The following ANO1 variants were observed in gnomAD, a reference collection of about 807,000 sequenced individuals.
ANO1 encodes anoctamin-1.
In ANO1, 59 loss-of-function variants were observed where a neutral mutation model predicts 124.0. The observed-to-expected ratio is 0.48, with a 90% CI of 0.39 to 0.59. ANO1 has a LOEUF of 0.59. Among genes scored for constraint, ANO1 ranks in the 20% least tolerant of loss-of-function variants. ANO1 has a pLI of 0.00. For missense variants in ANO1, 1,059 were observed against 1,328.0 expected (o/e 0.80, Z 3.15); for synonymous variants, 529 against 532.0 (o/e 0.99, Z 0.08).
At chr11:70,031,614 C>G (rs1857002162) in intron 1 of ANO1, among the ~76,000 whole-genome samples, 1 of 152,138 alleles carries the variant, frequency 6.6e-6, no homozygotes, top group South Asian at 2.1e-4. Flanking sequence ...GACCAAGAGA[C>G]TGGTGGGAGG....
At chr11:70,072,477 GT>G (rs1478655202) in intron 1 of ANO1, 1 of 152,224 alleles carries the variant, frequency 6.6e-6, no homozygotes, top group African/African-American at 2.4e-5. Flanking sequence ...CAACCACAGG[GT>G]TTTGCAGGAA....
chr11:69,979,594 C>T, the ANO1 span, among the ~76,000 whole-genome samples: 1 of 152,158 alleles, frequency 6.6e-6, no homozygotes, highest in Non-Finnish European at 1.5e-5. Context: ...CCTGGGGACT[C>T]CTCCCTACAT....
At chr11:70,175,790 C>T (rs189477279) in intron 22 of ANO1, among the ~76,000 whole-genome samples, 30 of 152,250 alleles carry the variant, frequency 2.0e-4, no homozygotes, top group Admixed American at 1.2e-3. Context: ...GGGAAAGAAA[C>T]CAAGGAATTT....
In ANO1 at chr11:70,108,384, C is replaced by T. The variant is rs759906575; in HGVS notation, c.779C>T (p.Thr260Ile). The T allele has an allele frequency of 2.5e-6, 4 of 1,612,732 alleles. No individual in the cohort carries two copies. The East Asian group carries it at 6.7e-5, about 27-fold the overall frequency. The change falls in exon 6 of 26, where the codon ACA becomes ATA. Residue 260 changes from threonine to isoleucine, a missense_variant. Around this residue, in one of 2 missense-constraint regions of ANO1, gnomAD observed 809 missense variants for 1,094.9 expected, o/e 0.74. Coordinates refer to ENST00000355303, the MANE Select transcript of ANO1 (RefSeq NM_018043.7). ...GAGATCTTGAAGAGAACGACGTGTA[C>T]AAAGGCCAAGTACAGCATGGGTAAG... ...VYEILKRTTC[T>I]KAKYSMGITS... is the part of the protein sequence containing the mutation.
At chr11:70,084,069 G>A (rs550628666) in intron 1 of ANO1, among the ~76,000 whole-genome samples, 1 of 152,138 alleles carries the variant, frequency 6.6e-6, no homozygotes. Context: ...GGGAAGGCCT[G>A]GGGGAGGGGG....
At chr11:70,096,792 C>T (rs538840147) in intron 2 of ANO1, among the ~76,000 whole-genome samples, 4 of 151,990 alleles carry the variant, frequency 2.6e-5, no homozygotes, top group South Asian at 2.1e-4. Context: ...ACCTGGGAGG[C>T]GGAGATTGCA....
At chr11:70,028,496 C>T (rs2135022285) in intron 1 of ANO1, among the ~76,000 whole-genome samples, 3 of 152,204 alleles carry the variant, frequency 2.0e-5, no homozygotes, top group Middle Eastern at 6.8e-3. Context: ...GACAGGCCAG[C>T]ACTGAGACTT....
At chr11:70,008,645 C>CCT (rs1555000510) in intron 1 of ANO1, among the ~76,000 whole-genome samples, 2 of 148,140 alleles carry the variant, frequency 1.4e-5, no homozygotes, top group Admixed American at 1.3e-4. Flanking sequence ...TCCTTTAGCT[C>CCT]TTTTTTTTTT....
At position 70,127,975 on chromosome 11, in the gene ANO1, G is replaced by A. The variant is rs570207314; in HGVS notation, c.1097+1780G>A. Among the ~76,000 whole-genome samples, 6 of 152,268 alleles carry A rather than the reference G, an allele frequency of 3.9e-5. No individual in the cohort carries two copies. The South Asian group carries it at 8.3e-4, about 21-fold the overall frequency. On this transcript the variant is annotated intron_variant, in intron 10 of 25. Transcript: ENST00000355303. ...TAAAATGTTAGTTTGGTTATTTTTC[G>A]AACCACTCCTGCCAAGTATCTCTAA... is the stretch of plus-strand genomic sequence containing the variant.
At chr11:70,097,714 T>G (rs2515286) in intron 2 of ANO1, among the ~76,000 whole-genome samples, 89,855 of 152,060 alleles carry the variant, frequency 0.59, 26,699 homozygotes, top group Middle Eastern at 0.72. Context: ...AGGCGGATGG[T>G]AGTCTGAAAG....
At chr11:69,966,143 G>A in the ANO1 span, among the ~76,000 whole-genome samples, 3 of 152,342 alleles carry the variant, frequency 2.0e-5, no homozygotes, top group Admixed American at 6.5e-5. Flanking sequence ...AATGGAAGTC[G>A]CTGCTCAGGG....
chr11:70,005,924 A>C (rs1047076224), intron 1 of ANO1, among the ~76,000 whole-genome samples: 1 of 152,332 alleles, frequency 6.6e-6, no homozygotes, highest in Admixed American at 6.5e-5. Flanking sequence ...TTGTGGACCA[A>C]GTGATAAATC....
intron 1 of ANO1, among the ~76,000 whole-genome samples, chr11:70,082,608 G>A (rs1397287825): frequency 1.2e-4 from 19 of 152,178 alleles, no homozygotes; most frequent in Non-Finnish European, 2.9e-5. Context: ...AAGGTGCACC[G>A]AGGGGTTGCT....
intron 15 of ANO1, among the ~76,000 whole-genome samples, chr11:70,156,243 G>T (rs1485082579): frequency 1.3e-5 from 2 of 152,164 alleles, no homozygotes; most frequent in Admixed American, 1.3e-4. Flanking sequence ...TGTCACAACT[G>T]CCTGCAAGTG....
intron 11 of ANO1, among the ~76,000 whole-genome samples, chr11:70,132,521 T>A (rs981257895): frequency 2.0e-5 from 3 of 152,156 alleles, no homozygotes; most frequent in Admixed American, 6.5e-5. Context: ...GCAGGCTTCA[T>A]GTGCCCATTT....
At chr11:70,020,422 A>G (rs1856781114) in intron 1 of ANO1, among the ~76,000 whole-genome samples, 1 of 152,138 alleles carries the variant, frequency 6.6e-6, no homozygotes, top group South Asian at 2.1e-4. Context: ...GCCTTTGAAG[A>G]AAGAGTCAGA....
Position 70,049,096 on chromosome 11 carries a change from G to T in ANO1, c.59-29446G>T, listed in dbSNP as rs568105612. Among the ~76,000 whole-genome samples, 10 of 152,258 alleles carry T rather than the reference G, an allele frequency of 6.6e-5. No homozygotes were observed. In the South Asian group the frequency reaches 2.1e-3, roughly 32 times the overall value. Reference sequence around the variant, plus strand: ...TTCTGGTGGCTTATGAGAGGAGCTGGCTGTGACATCTCCTAGGTGGAAATC... The same window carrying T: ...TTCTGGTGGCTTATGAGAGGAGCTGTCTGTGACATCTCCTAGGTGGAAATC... On this transcript the variant is annotated intron_variant, in intron 1 of 27. Transcript: ENST00000531349.
At chr11:70,139,864 G>A (rs1261426109) in intron 11 of ANO1, among the ~76,000 whole-genome samples, 3 of 152,182 alleles carry the variant, frequency 2.0e-5, no homozygotes, top group Non-Finnish European at 4.4e-5. Flanking sequence ...GCCCTACTCC[G>A]CGGGCATTAC....
At chr11:70,024,201 G>A (rs1856852878) in intron 1 of ANO1, among the ~76,000 whole-genome samples, 1 of 152,146 alleles carries the variant, frequency 6.6e-6, no homozygotes, top group South Asian at 2.1e-4. Flanking sequence ...GGAGCCCAAG[G>A]CTATCTCTGA....
Sources: gnomAD v4.1 joint callset for allele counts (sites outside exome capture counted in the v4.1 genomes callset) on GRCh38, gnomAD v4.1.1 for gene constraint, gnomAD v4.1.1 regional missense constraint, MANE v1.5 for transcripts, NCBI Gene and HGNC (gene_info 2026-07-23, HGNC 2026-07-21) for gene names.